MCTP2: variants seen among roughly 807,000 people sequenced by gnomAD.
MCTP2 encodes the protein multiple C2 and transmembrane domain-containing protein 2.
In MCTP2, 132 loss-of-function variants were observed where a neutral mutation model predicts 111.6. The ratio of observed to expected loss-of-function variants is 1.18; its 90% CI spans 1.03 to 1.37. The LOEUF is 1.37. MCTP2 is among the 40% of genes most tolerant of loss of function. The pLI, the probability that MCTP2 is intolerant of heterozygous loss-of-function variation, is 0.00. For synonymous variants in MCTP2, 395 were observed against 387.7 expected, an observed-to-expected ratio of 1.02 and a Z score of -0.22; for missense variants, 1,183 against 1,067.9, an observed-to-expected ratio of 1.11 and a Z score of -1.50.
rs530690782 is a variant in MCTP2, at chr15:94,377,664, G to T, written c.1583-6358G>T. Among the ~76,000 whole-genome samples the T allele has an allele frequency of 5.3e-5, 8 of 152,210 alleles. No individual in the cohort carries two copies. The East Asian group carries it at 1.5e-3, about 29-fold the overall frequency. On this transcript the variant is annotated intron_variant, in intron 12 of 22. Transcript: ENST00000357742. ...GCCTTATGATTTTTCCTGGTGATAT[G>T]GTAGAAAGGAGGAATTGGTCCCTGA...
rs375489919 is a variant in MCTP2, at chr15:94,384,000, G to A, written c.1583-22G>A. On this transcript the variant is annotated intron_variant, in intron 12 of 22. Coordinates refer to ENST00000357742, the MANE Select transcript of MCTP2 (RefSeq NM_001385001.1). ...TTTCGAGATTCACTTGTCTTTGACC[G>A]ATGTGTATGTTATCTTTCCAGGGAA... The A allele has an allele frequency of 3.0e-5, 46 of 1,528,600 alleles. 1 individual carries two copies. Among genetic ancestry groups the A allele is most frequent in the Middle Eastern group, 3.4e-4 (2 of 5,900 alleles). The allele number at this position is 1,528,600 out of a possible 1,614,324, so 94.7% of individuals were successfully genotyped here. A position where few individuals can be genotyped will look rare whatever the true frequency, so the allele number is the denominator to read the frequency against.
In MCTP2 at chr15:94,298,224, G is replaced by T; in HGVS notation, c.-42G>T. The stretch of plus-strand genomic sequence containing the variant: ...AGGAGTCATTGCAGTTTTCAGTAGA[G>T]GTGTACTTCTGAGAAGTGGCTTCTT... On this transcript the variant is annotated 5_prime_UTR_variant, in exon 2 of 23. The change creates a new upstream start codon in the 5' untranslated region. Transcript: ENST00000357742. 2 of 1,446,710 alleles carry T rather than the reference G, an allele frequency of 1.4e-6. No individual in the cohort carries two copies. Among genetic ancestry groups the T allele is most frequent in the Non-Finnish European group, 1.9e-6 (2 of 1,065,958 alleles). 89.6% of individuals were successfully genotyped at this position (1,446,710 alleles called of 1,614,324 possible).
chr15:94,442,417 C>A (rs757661802), intron 18 of MCTP2, among the ~76,000 whole-genome samples: 2 of 152,142 alleles, frequency 1.3e-5, no homozygotes, highest in Non-Finnish European at 2.9e-5. Context: ...ACCCTAAACC[C>A]AGGGCAAAAT....
intron 14 of MCTP2, among the ~76,000 whole-genome samples, chr15:94,390,098 A>ATATGTATATATATATGTATATATATATG (rs796755565): frequency 2.9e-5 from 1 of 34,426 alleles, no homozygotes; most frequent in African/African-American, 1.3e-4. Context: ...ATGTATATAT[A>ATATGTATATATATATGTATATATATATG]TATATATATA....
intron 17 of MCTP2, among the ~76,000 whole-genome samples, chr15:94,430,969 C>T (rs757632530): frequency 6.6e-6 from 1 of 152,112 alleles, no homozygotes; most frequent in Non-Finnish European, 1.5e-5. Context: ...ATACTCCTTC[C>T]CTTCCTTGTC....
At chr15:94,303,121 T>C (rs2075716491) in intron 2 of MCTP2, among the ~76,000 whole-genome samples, 1 of 52,100 alleles carries the variant, frequency 1.9e-5, no homozygotes, top group Non-Finnish European at 5.2e-5. Flanking sequence ...ATATAGTTTA[T>C]ATATATAGTT....
At chr15:94,411,299 T>C (rs1376316264) in intron 17 of MCTP2, among the ~76,000 whole-genome samples, 3 of 150,928 alleles carry the variant, frequency 2.0e-5, no homozygotes, top group Non-Finnish European at 4.4e-5. Flanking sequence ...TTTTTTTTTT[T>C]CTTTTTTTGC....
chr15:94,440,170 A>T lies in MCTP2; in HGVS notation c.2086-6A>T. Reference sequence around the variant, plus strand: ...AGTCGTGTATTCTTATTTGTCTTTCAATCAGGTATTTTTGATCACTGTCTG... The same window carrying T: ...AGTCGTGTATTCTTATTTGTCTTTCTATCAGGTATTTTTGATCACTGTCTG... On this transcript the variant is annotated splice_region_variant and splice_polypyrimidine_tract_variant and intron_variant, in intron 17 of 22. Coordinates refer to ENST00000357742, the MANE Select transcript of MCTP2 (RefSeq NM_001385001.1). 6.2e-7 allele frequency: 1 copy of T among 1,613,672 alleles called. No individual in the cohort carries two copies. Among genetic ancestry groups the T allele is most frequent in the Non-Finnish European group, 8.5e-7 (1 of 1,179,872 alleles).
intron 17 of MCTP2, among the ~76,000 whole-genome samples, chr15:94,417,942 GCTT>G (rs1413007734): frequency 6.6e-6 from 1 of 152,080 alleles, no homozygotes; most frequent in East Asian, 1.9e-4. Context: ...CTGCAAGCCT[GCTT>G]CTTTTAGTGC....
chr15:94,447,242 ATTCCCTGTGT>A (rs1242637412), intron 19 of MCTP2, among the ~76,000 whole-genome samples: 1 of 152,192 alleles, frequency 6.6e-6, no homozygotes, highest in Non-Finnish European at 1.5e-5. Context: ...ACTGTGCCTC[ATTCCCTGTGT>A]TTCCTTGTGC....
At chr15:94,276,448 C>A (rs113440366) in intron 1 of MCTP2, among the ~76,000 whole-genome samples, 2 of 151,916 alleles carry the variant, frequency 1.3e-5, no homozygotes, top group East Asian at 3.9e-4. Flanking sequence ...TATGCACAGG[C>A]AATTTTATAG....
At chr15:94,416,840 G>A (rs963812540) in intron 17 of MCTP2, among the ~76,000 whole-genome samples, 2 of 152,054 alleles carry the variant, frequency 1.3e-5, no homozygotes, top group African/African-American at 4.8e-5. Flanking sequence ...GAAATAAATG[G>A]GAAAAGGGAT....
chr15:94,366,384 G>C (rs1567539455), intron 10 of MCTP2, among the ~76,000 whole-genome samples: 1 of 152,134 alleles, frequency 6.6e-6, no homozygotes, highest in Admixed American at 6.6e-5. Flanking sequence ...ACACATATTG[G>C]TATGTAAAAT....
intron 12 of MCTP2, among the ~76,000 whole-genome samples, chr15:94,381,985 T>G (rs960356895): frequency 2.6e-5 from 4 of 152,258 alleles, no homozygotes; most frequent in Non-Finnish European, 5.9e-5. Flanking sequence ...TTGTATATTT[T>G]GAAGAAGAGG....
intron 8 of MCTP2, among the ~76,000 whole-genome samples, chr15:94,350,877 T>A (rs1048846404): frequency 2.6e-5 from 4 of 152,076 alleles, no homozygotes; most frequent in Non-Finnish European, 5.9e-5. Context: ...TTGTTTTATC[T>A]CTTCATTTTT....
intron 2 of MCTP2, among the ~76,000 whole-genome samples, chr15:94,302,153 C>T (rs1260155103): frequency 6.6e-6 from 1 of 152,108 alleles, no homozygotes; most frequent in African/African-American, 2.4e-5. Context: ...GGGTTTGCCT[C>T]TTCTGTTGTG....
At chr15:94,316,639 C>T (rs760905147) in intron 4 of MCTP2, among the ~76,000 whole-genome samples, 15 of 152,178 alleles carry the variant, frequency 9.9e-5, no homozygotes, top group Non-Finnish European at 2.2e-4. Flanking sequence ...TATAATTCTT[C>T]ATAATTTTCA....
Position 94,404,871 on chromosome 15 carries a change from G to A in MCTP2, c.2085+2852G>A, listed in dbSNP as rs146075023. On this transcript the variant is annotated intron_variant, in intron 17 of 22. Transcript: ENST00000357742. ...GCTCTCCTCTGCCTTTCTTCACTAT[G>A]CAACTGCCATATCTGTCAGGGGTGA... Among the ~76,000 whole-genome samples, 994 of 152,222 alleles carry A rather than the reference G, an allele frequency of 6.5e-3. 16 individuals carry two copies. The highest frequency in any genetic ancestry group is 0.052 in the East Asian group (269 of 5,166).
chr15:94,470,087 A>G (rs2073788654), intron 20 of MCTP2, among the ~76,000 whole-genome samples: 3 of 152,194 alleles, frequency 2.0e-5, no homozygotes, highest in African/African-American at 7.2e-5. Context: ...TATGGGTTCC[A>G]GGGAGGTAAA....
Sources: gnomAD v4.1 joint callset for allele counts (sites outside exome capture counted in the v4.1 genomes callset) on GRCh38, gnomAD v4.1.1 for gene constraint, MANE v1.5 for transcripts, NCBI Gene and HGNC (gene_info 2026-07-23, HGNC 2026-07-21) for gene names.